The following MMAA variants were observed in gnomAD, a reference collection of about 807,000 sequenced individuals.
MMAA encodes the protein methylmalonic aciduria type A protein, mitochondrial.
MMAA carries 41 observed loss-of-function variants against 45.0 expected under a neutral mutation model. The ratio of observed to expected loss-of-function variants is 0.91; its 90% CI spans 0.71 to 1.18. The LOEUF (loss-of-function observed/expected upper bound fraction) is 1.18. MMAA is among the 50% of genes most tolerant of loss of function. MMAA has a pLI of 0.00. For synonymous variants in MMAA, 154 were observed against 178.2 expected (o/e 0.86, Z 1.08); for missense variants, 460 against 495.7 (o/e 0.93, Z 0.68).
In MMAA at chr4:145,646,063, A is replaced by C; in HGVS notation, c.640A>C (p.Arg214=). 1 of 1,614,096 alleles carries C rather than the reference A, an allele frequency of 6.2e-7. No individual in the cohort carries two copies. Among genetic ancestry groups the C allele is most frequent in the Non-Finnish European group, 8.5e-7 (1 of 1,179,964 alleles). Residue 214 remains arginine, a synonymous_variant, in exon 4 of 7, where the codon AGA becomes CGA. Coordinates refer to ENST00000649156, the MANE Select transcript of MMAA (RefSeq NM_172250.3). ...TGCATACATCAGGCCATCTCCTACT[A>C]GAGGAACTTTAGGAGGCGTGACAAG... is the stretch of plus-strand genomic sequence containing the variant. ...MNAYIRPSPT[R]GTLGGVTRTT...
intron 3 of MMAA, among the ~76,000 whole-genome samples, chr4:145,643,178 G>A (rs545701658): frequency 6.6e-6 from 1 of 152,270 alleles, no homozygotes; most frequent in Non-Finnish European, 1.5e-5. Flanking sequence ...CATATAAACA[G>A]GAAAGGTTTT....
In MMAA at chr4:145,631,221, G is replaced by T. The variant is rs185836128; in HGVS notation, c.-65-7854G>T. Among the ~76,000 whole-genome samples, 8 of 152,332 alleles carry T rather than the reference G, an allele frequency of 5.3e-5. No homozygotes were observed. The East Asian group carries it at 1.5e-3, about 29-fold the overall frequency. On this transcript the variant is annotated intron_variant, in intron 1 of 6. Coordinates refer to ENST00000649156, the MANE Select transcript of MMAA (RefSeq NM_172250.3). ...TTTGTTATTAATTTTTTGTCTGGAA[G>T]ATATGTCCAATACTGAAAGTGGGGT...
intron 1 of MMAA, among the ~76,000 whole-genome samples, chr4:145,628,432 T>C (rs1344554717): frequency 6.6e-6 from 1 of 152,210 alleles, no homozygotes; most frequent in Non-Finnish European, 1.5e-5. Context: ...TCAGTTTCCT[T>C]GCCTTTACCA....
intron 4 of MMAA, among the ~76,000 whole-genome samples, chr4:145,646,796 C>T (rs1193854583): frequency 6.6e-6 from 1 of 152,144 alleles, no homozygotes; most frequent in African/African-American, 2.4e-5. Flanking sequence ...CAAAGATACA[C>T]GGGAGTGAGA....
chr4:145,647,620 G>C, intron 4 of MMAA, among the ~76,000 whole-genome samples: 1 of 152,104 alleles, frequency 6.6e-6, no homozygotes. Flanking sequence ...CTAAGACCCC[G>C]GACCTTTGTC....
At chr4:145,649,458 G>A (rs1309073479) in intron 4 of MMAA, among the ~76,000 whole-genome samples, 1 of 152,194 alleles carries the variant, frequency 6.6e-6, no homozygotes, top group East Asian at 1.9e-4. Flanking sequence ...GGCTGATGAA[G>A]CTCTGACTGA....
chr4:145,644,393 ACT>A (rs940703557), intron 3 of MMAA, among the ~76,000 whole-genome samples: 5 of 152,120 alleles, frequency 3.3e-5, no homozygotes, highest in African/African-American at 9.7e-5. Flanking sequence ...CTATGAGAAG[ACT>A]CTGAACTGGC....
chr4:145,636,950 GAA>G (rs1173621420), intron 1 of MMAA, among the ~76,000 whole-genome samples: 2 of 152,140 alleles, frequency 1.3e-5, no homozygotes, highest in East Asian at 1.9e-4. Context: ...GCCCTATTTG[GAA>G]AAAGAGTCTT....
At chr4:145,653,848 C>A in intron 5 of MMAA, 146 bp from the exon 6 acceptor site, 1 of 838,104 alleles carries the variant, frequency 1.2e-6, no homozygotes, top group Non-Finnish European at 2.0e-6. Flanking sequence ...TGAGTAATTT[C>A]TGTCAAGTAA....
intron 1 of MMAA, among the ~76,000 whole-genome samples, chr4:145,631,613 G>A (rs1560792682): frequency 6.6e-6 from 1 of 151,770 alleles, no homozygotes; most frequent in East Asian, 1.9e-4. Flanking sequence ...ACCACTCTAT[G>A]TTTTTTTACC....
At chr4:145,626,078 G>C (rs548762696) in intron 1 of MMAA, 5 of 828,528 alleles carry the variant, frequency 6.0e-6, no homozygotes. Context: ...TGGGGCAGTC[G>C]GAGGGGACCT....
At chr4:145,640,664 G>T (rs1727756523) in intron 2 of MMAA, among the ~76,000 whole-genome samples, 1 of 152,188 alleles carries the variant, frequency 6.6e-6, no homozygotes, top group Admixed American at 6.5e-5. Context: ...CTATCAAAAT[G>T]TACTTTAAGA....
rs1263123500 is a variant in MMAA, at chr4:145,646,040, C to T, written c.617C>T (p.Ala206Val). ...ACTGAGTTATCAAGAGATATGAATG[C>T]ATACATCAGGCCATCTCCTACTAGA... ...RMTELSRDMN[A>V]YIRPSPTRGT... The change falls in exon 4 of 7, where the codon GCA (alanine) becomes GTA (valine). Residue 206 changes from alanine (A) to valine (V), a missense_variant. Physicochemically the swap from Ala to Val is moderately conservative, Grantham distance 64. Coordinates refer to ENST00000649156, the MANE Select transcript of MMAA (RefSeq NM_172250.3). 1 of 1,613,908 alleles carries T rather than the reference C, an allele frequency of 6.2e-7. No individual in the cohort carries two copies. Among genetic ancestry groups the T allele is most frequent in the Admixed American group, 1.7e-5 (1 of 60,002 alleles).
At chr4:145,636,111 C>T (rs773872953) in intron 1 of MMAA, among the ~76,000 whole-genome samples, 2 of 152,202 alleles carry the variant, frequency 1.3e-5, no homozygotes, top group Non-Finnish European at 2.9e-5. Context: ...GGCTGGTAGA[C>T]TCTAATGTGC....
intron 1 of MMAA, among the ~76,000 whole-genome samples, chr4:145,636,445 C>A (rs182064452): frequency 6.6e-6 from 1 of 152,328 alleles, no homozygotes; most frequent in African/African-American, 2.4e-5. Context: ...CCAAAAAGGT[C>A]TCTGTCATTT....
At chr4:145,630,909 G>C (rs1734324140) in intron 1 of MMAA, among the ~76,000 whole-genome samples, 1 of 152,134 alleles carries the variant, frequency 6.6e-6, no homozygotes, top group Admixed American at 6.5e-5. Context: ...CATTGACCCA[G>C]TGTTCATTCA....
intron 5 of MMAA, among the ~76,000 whole-genome samples, chr4:145,651,501 T>A (rs1728088870): frequency 6.6e-6 from 1 of 152,196 alleles, no homozygotes; most frequent in Non-Finnish European, 1.5e-5. Context: ...ATAGTTTATA[T>A]GTTGTACAAT....
intron 5 of MMAA, 27 bp from the exon 6 acceptor site, chr4:145,653,967 G>GTT (rs759260546): frequency 6.2e-7 from 1 of 1,613,264 alleles, no homozygotes. Flanking sequence ...TATGTTGGTT[G>GTT]TCATTAAATG....
intron 1 of MMAA, chr4:145,625,838 A>C: frequency 1.6e-6 from 2 of 1,247,588 alleles, no homozygotes; most frequent in Non-Finnish European, 1.2e-6. Context: ...GTCACACCTC[A>C]TGGCTTCTAA....
Sources: allele counts gnomAD v4.1 joint callset (sites outside exome capture counted in the v4.1 genomes callset), GRCh38; gene constraint gnomAD v4.1.1; transcripts MANE v1.5; gene names NCBI Gene and HGNC (gene_info 2026-07-23, HGNC 2026-07-21).